The following SLC13A3 variants were observed in gnomAD, a reference collection of about 807,000 sequenced individuals.
SLC13A3 encodes Na(+)/dicarboxylate cotransporter 3.
In SLC13A3, 40 loss-of-function variants were observed where a neutral mutation model predicts 59.0. That is an observed-to-expected ratio of 0.68 (90% CI 0.53 to 0.88). The LOEUF (loss-of-function observed/expected upper bound fraction) is 0.88. SLC13A3 is among the 40% of genes least tolerant of loss of function. SLC13A3 has a pLI of 0.00. For missense variants in SLC13A3, 699 were observed against 783.2 expected (o/e 0.89, Z 1.28); for synonymous variants, 317 against 330.3 (o/e 0.96, Z 0.44).
At chr20:46,625,318 G>C (rs566018220) in intron 1 of SLC13A3, among the ~76,000 whole-genome samples, 5 of 152,276 alleles carry the variant, frequency 3.3e-5, no homozygotes, top group Non-Finnish European at 7.3e-5. Flanking sequence ...TCTGAATTGA[G>C]ACCATGTTTG....
chr20:46,599,451 A>G (rs913560875), intron 4 of SLC13A3, among the ~76,000 whole-genome samples: 1 of 152,258 alleles, frequency 6.6e-6, no homozygotes, highest in Non-Finnish European at 1.5e-5. Flanking sequence ...GCAGAGCCAG[A>G]GTTCGAAGTC....
intron 1 of SLC13A3, among the ~76,000 whole-genome samples, chr20:46,643,916 T>C (rs897633368): frequency 1.4e-4 from 21 of 152,226 alleles, no homozygotes; most frequent in Admixed American, 4.6e-4. Flanking sequence ...CGTGTGCTTG[T>C]AGTCCCAGCC....
chr20:46,592,426 G>A lies in SLC13A3; in HGVS notation c.898C>T (p.Leu300=). 1.2e-6 allele frequency: 2 copies of A among 1,614,022 alleles called. No homozygotes were observed. The highest frequency in any genetic ancestry group is 1.7e-6 in the Non-Finnish European group (2 of 1,179,942). Residue 300 remains leucine (L), a synonymous_variant, in exon 6 of 13, where the codon CTG becomes TTG. Coordinates refer to ENST00000279027, the MANE Select transcript of SLC13A3 (RefSeq NM_022829.6). Reference sequence around the variant, plus strand: ...TACCTGAAGCTCAGTCCCCCGTACAGGAAGGAGATCCAGAGCCAGCCTGCC... The same window carrying A: ...TACCTGAAGCTCAGTCCCCCGTACAAGAAGGAGATCCAGAGCCAGCCTGCC... ...LLAGWLWISF[L]YGGLSFRGWR...
chr20:46,659,879 T>C (rs1219197058), intron 1 of SLC13A3, among the ~76,000 whole-genome samples: 1 of 152,222 alleles, frequency 6.6e-6, no homozygotes. Flanking sequence ...AGATAACTCA[T>C]GCTAGCTTAT....
intron 1 of SLC13A3, among the ~76,000 whole-genome samples, chr20:46,646,083 G>A (rs1426728614): frequency 1.3e-5 from 2 of 152,160 alleles, no homozygotes; most frequent in African/African-American, 2.4e-5. Context: ...GCTCAAATGA[G>A]ATGATAGAAG....
chr20:46,595,805 T>G (rs779862740), intron 5 of SLC13A3, among the ~76,000 whole-genome samples: 2 of 152,174 alleles, frequency 1.3e-5, no homozygotes, highest in Non-Finnish European at 2.9e-5. Flanking sequence ...CATTCCCTTC[T>G]AGGTCTCTGC....
At chr20:46,649,436 C>G (rs765044978) in intron 1 of SLC13A3, among the ~76,000 whole-genome samples, 1 of 152,178 alleles carries the variant, frequency 6.6e-6, no homozygotes, top group Admixed American at 6.5e-5. Flanking sequence ...GGATCTGCTC[C>G]TGGGTTCATG....
chr20:46,651,236 T>C, intron 1 of SLC13A3, 75 bp downstream of exon 1: 7 of 1,403,804 alleles, frequency 5.0e-6, no homozygotes, highest in Middle Eastern at 2.3e-4. Context: ...CTCAGCGGTC[T>C]CCCAACTTGG....
intron 7 of SLC13A3, 70 bp downstream of exon 7, chr20:46,589,090 C>T: frequency 7.1e-7 from 1 of 1,406,246 alleles, no homozygotes; most frequent in Non-Finnish European, 9.9e-7. Flanking sequence ...GGCCCAAGGC[C>T]AGGCCAGGAG....
At chr20:46,653,725 T>C (rs918307171), upstream of SLC13A3, among the ~76,000 whole-genome samples, 1 of 152,236 alleles carries the variant, frequency 6.6e-6, no homozygotes, top group Admixed American at 6.5e-5. Context: ...TATCCTTTTG[T>C]GATTAGCTTT....
At chr20:46,600,090 G>GC in intron 3 of SLC13A3, 53 bp from the exon 4 acceptor site, 9 of 1,384,434 alleles carry the variant, frequency 6.5e-6, no homozygotes, top group East Asian at 2.5e-5. Context: ...TGGAACAGGA[G>GC]TGTCCCAAAT....
At chr20:46,672,000 CAACA>C (rs2063095488), upstream of SLC13A3, among the ~76,000 whole-genome samples, 1 of 152,192 alleles carries the variant, frequency 6.6e-6, no homozygotes, top group Admixed American at 6.5e-5. Flanking sequence ...CTAAACAGGT[CAACA>C]AACAGAGGGT....
intron 3 of SLC13A3, among the ~76,000 whole-genome samples, chr20:46,610,026 A>C (rs1358475833): frequency 7.9e-5 from 12 of 152,230 alleles, no homozygotes; most frequent in Admixed American, 7.2e-4. Flanking sequence ...ATTCCTGTCA[A>C]CATGGGGATT....
At chr20:46,658,038 T>G (rs554796033) in intron 1 of SLC13A3, among the ~76,000 whole-genome samples, 9 of 152,028 alleles carry the variant, frequency 5.9e-5, no homozygotes, top group Non-Finnish European at 1.3e-4. Flanking sequence ...TGCTGGGAGT[T>G]CTAGCTCCCA....
At position 46,558,882 on chromosome 20, in the gene SLC13A3, G is replaced by A. The variant is rs1164743484; in HGVS notation, c.*1140C>T. Reference sequence around the variant, plus strand: ...TCCTGAGGGCCTGAGCTCTTCACTGGGATGCCAGAATGCTTCTGCTTGGAA... The same window carrying A: ...TCCTGAGGGCCTGAGCTCTTCACTGAGATGCCAGAATGCTTCTGCTTGGAA... On this transcript the variant is annotated 3_prime_UTR_variant, in exon 13 of 13. Transcript: ENST00000279027. The A allele has an allele frequency of 6.6e-6, 1 of 151,816 alleles. No homozygotes were observed. The highest frequency in any genetic ancestry group is 6.6e-5 in the Admixed American group (1 of 15,224). 9.4% of individuals were successfully genotyped at this position (151,816 alleles called of 1,614,324 possible).
chr20:46,616,422 G>A (rs2062555168), intron 1 of SLC13A3, among the ~76,000 whole-genome samples: 1 of 152,154 alleles, frequency 6.6e-6, no homozygotes, highest in Admixed American at 6.5e-5. Context: ...GGATTCAATG[G>A]CAGATCATCA....
chr20:46,584,796 A>C (rs76086573), intron 8 of SLC13A3, among the ~76,000 whole-genome samples: 4,052 of 152,330 alleles, frequency 0.027, 79 homozygotes, highest in Non-Finnish European at 0.04. Flanking sequence ...CTTGAGAAAC[A>C]GTCGTACTTT....
chr20:46,658,853 C>T (rs370076318), intron 1 of SLC13A3, among the ~76,000 whole-genome samples: 24 of 152,292 alleles, frequency 1.6e-4, no homozygotes, highest in African/African-American at 5.1e-4. Context: ...AATGTGAACA[C>T]ACTTAAGATT....
chr20:46,677,074 T>C (rs1042766559), intron 1 of SLC13A3, among the ~76,000 whole-genome samples: 7 of 152,060 alleles, frequency 4.6e-5, no homozygotes, highest in South Asian at 2.1e-4. Context: ...CCATCATGCC[T>C]GGCTAATTTT....
Sources: gnomAD v4.1 joint callset for allele counts (sites outside exome capture counted in the v4.1 genomes callset) on GRCh38, gnomAD v4.1.1 for gene constraint, MANE v1.5 for transcripts, NCBI Gene and HGNC (gene_info 2026-07-23, HGNC 2026-07-21) for gene names.